Variants in ZNF560 observed in about 807,000 individuals in gnomAD.
ZNF560 encodes zinc finger protein 560.
A neutral mutation model predicts 81.8 loss-of-function variants in ZNF560; 54 were observed. The observed-to-expected ratio is 0.66, with a 90% CI of 0.53 to 0.83. The LOEUF (loss-of-function observed/expected upper bound fraction) is 0.83. Among genes scored for constraint, ZNF560 ranks in the 40% least tolerant of loss-of-function variants. The probability of loss-of-function intolerance (pLI) is 0.00; values close to 1 mark genes in which losing one functional copy is unlikely to be tolerated. For missense variants in ZNF560, 940 were observed against 932.4 expected (o/e 1.01, Z -0.11); for synonymous variants, 321 against 317.9 (o/e 1.01, Z -0.10).
At chr19:9,456,058 G>A in the ZNF560 span, among the ~76,000 whole-genome samples, 1 of 152,212 alleles carries the variant, frequency 6.6e-6, no homozygotes, top group Non-Finnish European at 1.5e-5. Flanking sequence ...ACGGAAACCC[G>A]ATTTCGAGAA....
chr19:9,449,154 T>C, the ZNF560 span, among the ~76,000 whole-genome samples: 5 of 152,290 alleles, frequency 3.3e-5, no homozygotes, highest in South Asian at 4.1e-4. Flanking sequence ...TTGGACTTAA[T>C]AGATATCCAC....
downstream of ZNF560, among the ~76,000 whole-genome samples, chr19:9,462,008 T>C (rs751275394): frequency 6.6e-6 from 1 of 152,240 alleles, no homozygotes; most frequent in Non-Finnish European, 1.5e-5. Context: ...TTAATCTGTG[T>C]TGTTTGTCTT....
chr19:9,483,380 C>T (rs529539353), intron 2 of ZNF560, among the ~76,000 whole-genome samples: 19 of 146,974 alleles, frequency 1.3e-4, no homozygotes, highest in African/African-American at 3.3e-4. Flanking sequence ...GGAGCCCCTC[C>T]GCCCAGCAGC....
At chr19:9,449,767 G>A in the ZNF560 span, among the ~76,000 whole-genome samples, 23 of 151,966 alleles carry the variant, frequency 1.5e-4, no homozygotes, top group Non-Finnish European at 3.2e-4. Context: ...TGAGGAGTTC[G>A]AGACCATCCT....
chr19:9,473,588 A>T (rs1303698495), intron 4 of ZNF560, among the ~76,000 whole-genome samples: 1 of 152,206 alleles, frequency 6.6e-6, no homozygotes, highest in South Asian at 2.1e-4. Context: ...CAAAAAAAAA[A>T]AAATAATGGA....
At chr19:9,495,666 C>T (rs775716618) in intron 2 of ZNF560, among the ~76,000 whole-genome samples, 19 of 152,138 alleles carry the variant, frequency 1.2e-4, no homozygotes, top group South Asian at 2.1e-4. Context: ...CAGATGGCAC[C>T]ACTGCACTCC....
chr19:9,475,144 GA>G, intron 3 of ZNF560, 139 bp downstream of exon 3: 2 of 811,318 alleles, frequency 2.5e-6, no homozygotes, highest in Non-Finnish European at 4.0e-6. Flanking sequence ...ACTCCCTGGG[GA>G]AATTCAACAA....
At chr19:9,500,524 GT>G, upstream of ZNF560, among the ~76,000 whole-genome samples, 1 of 152,034 alleles carries the variant, frequency 6.6e-6, no homozygotes, top group South Asian at 2.1e-4. Context: ...CGTTAGCTGT[GT>G]TTTCGTAAGT....
chr19:9,448,229 G>A, the ZNF560 span, among the ~76,000 whole-genome samples: 3 of 147,886 alleles, frequency 2.0e-5, no homozygotes, highest in African/African-American at 7.5e-5. Flanking sequence ...TGCGTGTGGC[G>A]GGGGGTTTGT....
At chr19:9,453,375 C>T in the ZNF560 span, among the ~76,000 whole-genome samples, 3 of 152,068 alleles carry the variant, frequency 2.0e-5, no homozygotes, top group African/African-American at 7.2e-5. Context: ...CAAAAATATA[C>T]TAATCAAATC....
In ZNF560 at chr19:9,498,256, T is replaced by C. The variant is rs143987844; in HGVS notation, c.-144-41A>G. 5 of 152,304 alleles carry C rather than the reference T, an allele frequency of 3.3e-5. No individual in the cohort carries two copies. In the East Asian group the frequency reaches 9.7e-4, roughly 29 times the overall value. The allele number at this position is 152,304 out of a possible 1,614,324, so 9.4% of individuals were successfully genotyped here. A position where few individuals can be genotyped will look rare whatever the true frequency, so the allele number is the denominator to read the frequency against. ...CAAACGTTGCCTTGGAGACTTATTT[T>C]TTAAGGCCTCAGAACGCTTGGACAC... is the stretch of plus-strand genomic sequence containing the variant. On this transcript the variant is annotated intron_variant, in intron 1 of 9. Coordinates refer to ENST00000301480, the MANE Select transcript of ZNF560 (RefSeq NM_152476.3).
At chr19:9,457,956 T>C in the ZNF560 span, among the ~76,000 whole-genome samples, 3 of 152,180 alleles carry the variant, frequency 2.0e-5, no homozygotes, top group Non-Finnish European at 4.4e-5. Flanking sequence ...ATCTAGAGAA[T>C]ACTCTAGATT....
At chr19:9,487,265 G>A (rs553751926) in intron 2 of ZNF560, among the ~76,000 whole-genome samples, 35 of 152,286 alleles carry the variant, frequency 2.3e-4, no homozygotes, top group African/African-American at 8.2e-4. Context: ...CTTTGTCTGA[G>A]TACTAGTTCT....
At chr19:9,459,922 C>A in the ZNF560 span, among the ~76,000 whole-genome samples, 1 of 152,140 alleles carries the variant, frequency 6.6e-6, no homozygotes, top group Admixed American at 6.5e-5. Context: ...GGACCCAGGA[C>A]ATGTTCCAAG....
intron 2 of ZNF560, among the ~76,000 whole-genome samples, chr19:9,483,820 A>C (rs983201808): frequency 2.6e-5 from 4 of 152,242 alleles, no homozygotes; most frequent in Non-Finnish European, 5.9e-5. Context: ...AGAACGGGCC[A>C]TGATGACGAT....
chr19:9,450,480 TAAAC>T, the ZNF560 span, among the ~76,000 whole-genome samples: 1 of 152,176 alleles, frequency 6.6e-6, no homozygotes, highest in Non-Finnish European at 1.5e-5. Context: ...CTGGAGCTGA[TAAAC>T]AACTTCAGAA....
intron 2 of ZNF560, among the ~76,000 whole-genome samples, chr19:9,483,253 T>C (rs974903034): frequency 6.7e-6 from 1 of 148,676 alleles, no homozygotes; most frequent in African/African-American, 2.5e-5. Flanking sequence ...ATCTGAGATG[T>C]GGGGAGCACC....
intron 3 of ZNF560, 146 bp downstream of exon 3, chr19:9,475,138 C>T (rs2073180791): frequency 1.3e-6 from 1 of 771,540 alleles, no homozygotes; most frequent in Admixed American, 2.6e-5. Context: ...ACCTCCACTC[C>T]CTGGGGAAAT....
intron 3 of ZNF560, 72 bp downstream of exon 3, chr19:9,475,195 AGCTCTGGAGACACATCT>A: frequency 4.3e-6 from 6 of 1,393,518 alleles, no homozygotes; most frequent in South Asian, 1.2e-5. Context: ...TACTTAAAGA[AGCTCTGGAGACACATCT>A]GCCTAGAAGG....
Sources: allele counts gnomAD v4.1 joint callset (sites outside exome capture counted in the v4.1 genomes callset), GRCh38; gene constraint gnomAD v4.1.1; transcripts MANE v1.5; gene names NCBI Gene and HGNC (gene_info 2026-07-23, HGNC 2026-07-21).